SLC24A2: variants seen among roughly 807,000 people sequenced by gnomAD.
SLC24A2 encodes solute carrier family 24 member 2.
Under a neutral mutation model 62.0 loss-of-function variants are expected in SLC24A2, and 36 were observed. That is an observed-to-expected ratio of 0.58 (90% confidence interval 0.44 to 0.77). SLC24A2 has a LOEUF of 0.77. Ranked by LOEUF, SLC24A2 falls within the 30% of genes least tolerant of loss-of-function variation. The pLI, the probability that SLC24A2 is intolerant of heterozygous loss-of-function variation, is 0.00. For synonymous variants in SLC24A2, 358 were observed against 294.0 expected, an observed-to-expected ratio of 1.22 and a Z score of -2.23; for missense variants, 846 against 817.9, an observed-to-expected ratio of 1.03 and a Z score of -0.42.
At chr9:19,716,050 A>G (rs1223880623) in intron 2 of SLC24A2, among the ~76,000 whole-genome samples, 1 of 152,222 alleles carries the variant, frequency 6.6e-6, no homozygotes, top group Non-Finnish European at 1.5e-5. Flanking sequence ...GGCTTTATGA[A>G]GAGCCTCCCT....
chr9:20,015,988 T>G, the SLC24A2 span, among the ~76,000 whole-genome samples: 4 of 152,230 alleles, frequency 2.6e-5, no homozygotes, highest in African/African-American at 4.8e-5. Context: ...CATTTCCTTC[T>G]ATTATTGCAT....
the SLC24A2 span, among the ~76,000 whole-genome samples, chr9:20,068,490 A>G: frequency 6.6e-6 from 1 of 152,112 alleles, no homozygotes; most frequent in South Asian, 2.1e-4. Flanking sequence ...TTGTTACCCA[A>G]TCCTAATCAA....
the SLC24A2 span, among the ~76,000 whole-genome samples, chr9:20,046,762 T>C: frequency 0.058 from 8,827 of 152,278 alleles, 315 homozygotes; most frequent in African/African-American, 0.099. Context: ...TTACTCATCT[T>C]CCTTTATCCC....
chr9:20,219,961 T>C, the SLC24A2 span, among the ~76,000 whole-genome samples: 1 of 152,142 alleles, frequency 6.6e-6, no homozygotes, highest in Non-Finnish European at 1.5e-5. Flanking sequence ...CTACCTACCA[T>C]ACAGGGTTGA....
the SLC24A2 span, among the ~76,000 whole-genome samples, chr9:20,219,266 C>G: frequency 1.3e-5 from 2 of 152,128 alleles, no homozygotes; most frequent in African/African-American, 4.8e-5. Context: ...TACCAGCAGG[C>G]AGATGCTGAC....
chr9:20,022,273 T>C, the SLC24A2 span, among the ~76,000 whole-genome samples: 1 of 152,222 alleles, frequency 6.6e-6, no homozygotes, highest in Non-Finnish European at 1.5e-5. Context: ...AATTTATGAA[T>C]GATAAAAATA....
chr9:20,232,504 T>G, the SLC24A2 span, among the ~76,000 whole-genome samples: 1 of 152,216 alleles, frequency 6.6e-6, no homozygotes, highest in Admixed American at 6.5e-5. Flanking sequence ...TTCTTCTAGA[T>G]TTTGTAGTTT....
the SLC24A2 span, among the ~76,000 whole-genome samples, chr9:20,211,823 GTGTT>G: frequency 6.6e-6 from 1 of 151,280 alleles, no homozygotes; most frequent in Non-Finnish European, 1.5e-5. Flanking sequence ...CAAAATATTT[GTGTT>G]TGTGTTTGTT....
At chr9:19,949,649 T>C in the SLC24A2 span, among the ~76,000 whole-genome samples, 1 of 152,222 alleles carries the variant, frequency 6.6e-6, no homozygotes, top group African/African-American at 2.4e-5. Context: ...TAAGTTTGGC[T>C]AATGAGTAGT....
At chr9:19,960,696 T>C in the SLC24A2 span, among the ~76,000 whole-genome samples, 1 of 152,190 alleles carries the variant, frequency 6.6e-6, no homozygotes, top group Non-Finnish European at 1.5e-5. Flanking sequence ...TGGTTAGGAA[T>C]GCAGAATGCT....
At chr9:19,614,784 G>T (rs944356159) in intron 4 of SLC24A2, among the ~76,000 whole-genome samples, 4 of 151,926 alleles carry the variant, frequency 2.6e-5, no homozygotes, top group South Asian at 4.2e-4. Context: ...GGGAATCAGG[G>T]GACCCAGTTG....
chr9:19,786,629 G>T lies in SLC24A2; in HGVS notation c.238C>A (p.Gln80Lys). The T allele has an allele frequency of 6.2e-7, 1 of 1,614,086 alleles. No individual in the cohort carries two copies. Among genetic ancestry groups the T allele is most frequent in the Non-Finnish European group, 8.5e-7 (1 of 1,179,978 alleles). ...ASVVSGPRVA[Q>K]GYHQRTLLDL... The stretch of plus-strand genomic sequence containing the variant: ...AAGAGAGTTCTCTGATGGTAACCCT[G>T]TGCTACCCTAGGGCCACTTACAACA... Residue 80 changes from glutamine (Q) to lysine (K), a missense_variant, in exon 2 of 11, where the codon CAG becomes AAG. Coordinates refer to ENST00000341998, the MANE Select transcript of SLC24A2 (RefSeq NM_020344.4). The surrounding 1 kb of genome is among the most constrained non-coding windows in gnomAD (Gnocchi z 5.0).
chr9:19,920,434 C>G, the SLC24A2 span, among the ~76,000 whole-genome samples: 2 of 152,012 alleles, frequency 1.3e-5, no homozygotes, highest in Non-Finnish European at 2.9e-5. Context: ...AGATGTAGAC[C>G]CTGAGACAAG....
the SLC24A2 span, among the ~76,000 whole-genome samples, chr9:20,124,190 A>T: frequency 6.6e-6 from 1 of 152,084 alleles, no homozygotes; most frequent in Non-Finnish European, 1.5e-5. Context: ...TCCTCCCAAT[A>T]TATCCTGTCT....
chr9:20,066,230 G>A, the SLC24A2 span, among the ~76,000 whole-genome samples: 2 of 152,038 alleles, frequency 1.3e-5, 1 homozygote, highest in South Asian at 4.2e-4. Context: ...AAAAAACAAG[G>A]CTATTTTTAA....
At chr9:19,710,121 GA>G (rs1217537722) in intron 2 of SLC24A2, among the ~76,000 whole-genome samples, 1 of 152,134 alleles carries the variant, frequency 6.6e-6, no homozygotes, top group Non-Finnish European at 1.5e-5. Context: ...AAAGATTGGA[GA>G]GGGGCCTCTT....
chr9:19,913,870 T>C, the SLC24A2 span, among the ~76,000 whole-genome samples: 1 of 151,944 alleles, frequency 6.6e-6, no homozygotes, highest in Admixed American at 6.6e-5. Context: ...CATACTTAAT[T>C]CTTTTTTTTC....
the SLC24A2 span, among the ~76,000 whole-genome samples, chr9:19,838,768 TAAA>T: frequency 7.3e-6 from 1 of 137,456 alleles, no homozygotes; most frequent in African/African-American, 2.7e-5. Context: ...TTTCCTAATT[TAAA>T]AAAAAAAAAA....
the SLC24A2 span, among the ~76,000 whole-genome samples, chr9:19,990,264 T>C: frequency 6.6e-6 from 1 of 152,070 alleles, no homozygotes; most frequent in Admixed American, 6.6e-5. Context: ...CTCCCCCTTA[T>C]CCATGGTTTT....
Sources: allele counts gnomAD v4.1 joint callset (sites outside exome capture counted in the v4.1 genomes callset), GRCh38; gene constraint gnomAD v4.1.1; non-coding constraint Gnocchi (gnomAD v3.1); transcripts MANE v1.5; gene names NCBI Gene and HGNC (gene_info 2026-07-23, HGNC 2026-07-21).